Variants in SVEP1 observed in about 807,000 individuals in gnomAD.
SVEP1 encodes the protein sushi, von Willebrand factor type A, EGF and pentraxin domain-containing protein 1.
A neutral mutation model predicts 367.3 loss-of-function variants in SVEP1; 164 were observed. The ratio of observed to expected loss-of-function variants is 0.45; its 90% CI spans 0.39 to 0.51. SVEP1 has a LOEUF of 0.51. Ranked by LOEUF, SVEP1 falls within the 20% of genes least tolerant of loss-of-function variation. SVEP1 has a pLI of 0.00. For missense variants in SVEP1, 4,117 were observed against 4,425.3 expected, an observed-to-expected ratio of 0.93 and a Z score of 1.98; for synonymous variants, 1,666 against 1,611.6, an observed-to-expected ratio of 1.03 and a Z score of -0.81.
intron 1 of SVEP1, among the ~76,000 whole-genome samples, chr9:110,561,590 C>T (rs1048337735): frequency 6.6e-6 from 1 of 152,122 alleles, no homozygotes; most frequent in African/African-American, 2.4e-5. Flanking sequence ...AATGAAAATT[C>T]ATATAAATAT....
chr9:110,383,932 C>G (rs1229681739), intron 43 of SVEP1, among the ~76,000 whole-genome samples: 2 of 148,658 alleles, frequency 1.3e-5, no homozygotes, highest in Non-Finnish European at 3.0e-5. Context: ...CTCCTCTGTC[C>G]AAATTGCCCA....
rs201713679 is a variant in SVEP1 at position 110,471,445 on chromosome 9, T to C, written c.2917A>G (p.Ile973Val). Residue 973 changes from isoleucine to valine, a missense_variant, in exon 16 of 48, where the codon ATA (isoleucine) becomes GTA (valine). Ile to Val is a conservative substitution (Grantham distance 29). Coordinates refer to ENST00000374469, the MANE Select transcript of SVEP1 (RefSeq NM_153366.4). ...YSFQLASEIL[I>V]ADSNSLETKK... Reference sequence around the variant, plus strand: ...GTTTCTAATGAATTGCTGTCGGCTATAAGTATTTCTGATGCAAGCTGAAAG... The same window carrying C: ...GTTTCTAATGAATTGCTGTCGGCTACAAGTATTTCTGATGCAAGCTGAAAG... 1.4e-5 allele frequency: 23 copies of C among 1,613,964 alleles called. No individual in the cohort carries two copies. In the Admixed American group the frequency reaches 1.7e-4, roughly 12 times the overall value.
rs1227161756 is a variant in SVEP1 at position 110,436,412 on chromosome 9, T to C, written c.4732A>G (p.Asn1578Asp). The C allele has an allele frequency of 1.9e-6, 3 of 1,613,858 alleles. No individual in the cohort carries two copies. The highest frequency in any genetic ancestry group is 2.5e-6 in the Non-Finnish European group (3 of 1,179,874). Residue 1578 changes from asparagine (N) to aspartate (D), a missense_variant, in exon 28 of 48, where the codon AAC becomes GAC. Physicochemically the swap from Asn to Asp is conservative, Grantham distance 23. This residue lies in a region of SVEP1 where 2,174 missense variants were observed against 2,494.3 expected (regional missense o/e 0.87). Coordinates refer to ENST00000374469, the MANE Select transcript of SVEP1 (RefSeq NM_153366.4). Reference sequence around the variant, plus strand: ...GGAGACAGGACATAGTCCCAGAGGTTGAGCTGGCTTATGGAGCCCACAAAA... The same window carrying C: ...GGAGACAGGACATAGTCCCAGAGGTCGAGCTGGCTTATGGAGCCCACAAAA... ...ESFVGSISQLNLWDYVLSPQQ... is the reference protein window; with the variant it reads ...ESFVGSISQLDLWDYVLSPQQ...
intron 22 of SVEP1, among the ~76,000 whole-genome samples, chr9:110,452,921 G>A (rs1029093060): frequency 4.2e-4 from 64 of 152,116 alleles, no homozygotes; most frequent in African/African-American, 1.5e-3. Context: ...TACACTTCCA[G>A]ATGAAATGCA....
intron 2 of SVEP1, 84 bp downstream of exon 2, chr9:110,549,765 T>C: frequency 6.6e-7 from 1 of 1,526,510 alleles, no homozygotes; most frequent in South Asian, 1.3e-5. Flanking sequence ...GAGTTTGATA[T>C]TACCCTCCCA....
chr9:110,439,625 CCT>C (rs1361447208), intron 27 of SVEP1, among the ~76,000 whole-genome samples: 1 of 151,936 alleles, frequency 6.6e-6, no homozygotes, highest in African/African-American at 2.4e-5. Flanking sequence ...GTCTTGAACT[CCT>C]GACCCCAGGT....
intron 16 of SVEP1, among the ~76,000 whole-genome samples, chr9:110,470,130 A>T (rs139162649): frequency 8.5e-5 from 13 of 152,252 alleles, no homozygotes; most frequent in Admixed American, 2.6e-4. Context: ...TTCTTTGGGG[A>T]ACAGGCTGGA....
intron 27 of SVEP1, among the ~76,000 whole-genome samples, chr9:110,442,084 C>A (rs562724396): frequency 6.6e-6 from 1 of 152,332 alleles, no homozygotes; most frequent in South Asian, 2.1e-4. Flanking sequence ...TGCCTGATCA[C>A]CCTGGAGAGT....
At chr9:110,487,534 T>G (rs1829299032) in intron 9 of SVEP1, among the ~76,000 whole-genome samples, 1 of 152,224 alleles carries the variant, frequency 6.6e-6, no homozygotes, top group African/African-American at 2.4e-5. Context: ...TTTCATCTAC[T>G]TTTACCAAAA....
intron 41 of SVEP1, among the ~76,000 whole-genome samples, chr9:110,388,930 C>G (rs953873075): frequency 2.6e-5 from 4 of 152,152 alleles, no homozygotes; most frequent in Non-Finnish European, 5.9e-5. Flanking sequence ...GGTTGCACTA[C>G]TGCACTCCAC....
At chr9:110,390,291 T>TG (rs1564127502) in intron 40 of SVEP1, among the ~76,000 whole-genome samples, 2 of 26,488 alleles carry the variant, frequency 7.6e-5, no homozygotes, top group African/African-American at 6.1e-4. Flanking sequence ...ATATACATAC[T>TG]TATATATACT....
intron 36 of SVEP1, among the ~76,000 whole-genome samples, chr9:110,412,914 G>T (rs1298070833): frequency 1.3e-5 from 2 of 151,354 alleles, no homozygotes; most frequent in African/African-American, 4.8e-5. Context: ...AGGATGTGGA[G>T]AAATAGGAAC....
Position 110,579,227 on chromosome 9 carries a change from A to AT in SVEP1, c.316_317insA (p.Val106AspfsTer79). ...GGGGAAGTCGGACAGCAGCTTGCGG[A>AT]CGAACATGAGCTCGCTGCGGAAGTT... On this transcript the variant is annotated frameshift_variant, in exon 1 of 48. Coordinates refer to ENST00000374469, the MANE Select transcript of SVEP1 (RefSeq NM_153366.4). LOFTEE classifies it high-confidence loss of function. The surrounding 1 kb of genome is among the most constrained non-coding windows in gnomAD (Gnocchi z 5.3). 1 of 1,570,452 alleles carries AT rather than the reference A, an allele frequency of 6.4e-7. No homozygotes were observed. The highest frequency in any genetic ancestry group is 8.6e-7 in the Non-Finnish European group (1 of 1,158,718).
chr9:110,579,299 A>T lies in SVEP1; in HGVS notation c.245T>A (p.Leu82Gln). Residue 82 changes from leucine to glutamine, a missense_variant, in exon 1 of 48, where the codon CTG (leucine) becomes CAG (glutamine). Transcript: ENST00000374469. The surrounding 1 kb of genome is among the most constrained non-coding windows in gnomAD (Gnocchi z 5.3). ...ATCATCCACCAGGAAGACAAGCTCCAGGCGCTCGCTGAGCTCCCGCAGCAG... is the reference window on the plus strand; with the variant it reads ...ATCATCCACCAGGAAGACAAGCTCCTGGCGCTCGCTGAGCTCCCGCAGCAG... ...VRLLRELSER[L>Q]ELVFLVDDSS... 1 of 1,568,576 alleles carries T rather than the reference A, an allele frequency of 6.4e-7. No individual in the cohort carries two copies. The highest frequency in any genetic ancestry group is 8.6e-7 in the Non-Finnish European group (1 of 1,158,550).
intron 1 of SVEP1, 73 bp from the exon 2 acceptor site, chr9:110,550,177 G>A (rs1462154601): frequency 1.9e-6 from 3 of 1,568,142 alleles, no homozygotes; most frequent in Non-Finnish European, 2.6e-6. Context: ...TCTTACGTAA[G>A]GCAGTACTTG....
intron 39 of SVEP1, 100 bp from the exon 40 acceptor site, chr9:110,401,109 T>C (rs1827854057): frequency 4.8e-6 from 7 of 1,454,008 alleles, no homozygotes; most frequent in Non-Finnish European, 6.5e-6. Flanking sequence ...ATCTCCAAAA[T>C]GATAGTCAAA....
At chr9:110,552,321 C>T (rs1360412282) in intron 1 of SVEP1, among the ~76,000 whole-genome samples, 5 of 152,086 alleles carry the variant, frequency 3.3e-5, no homozygotes, top group East Asian at 3.9e-4. Flanking sequence ...TGAGCCACCA[C>T]GCCCTGCCAC....
Position 110,430,294 on chromosome 9 carries a change from T to C in SVEP1, c.5510A>G (p.His1837Arg), listed in dbSNP as rs1318808369. 6.2e-7 allele frequency: 1 copy of C among 1,612,920 alleles called. No individual in the cohort carries two copies. Among genetic ancestry groups the C allele is most frequent in the East Asian group, 2.2e-5 (1 of 44,880 alleles). ...CATACCTTTACAATATGGTATTAGA[T>C]GATTCCATTCTCCAGACTCCAAACA... ...ITCLESGEWNHLIPYCKAVSC... is the reference protein window; with the variant it reads ...ITCLESGEWNRLIPYCKAVSC... The change falls in exon 33 of 48, where the codon CAT (histidine) becomes CGT (arginine). Residue 1837 changes from histidine (H) to arginine (R), a missense_variant. His to Arg is a conservative substitution (Grantham distance 29). Coordinates refer to ENST00000374469, the MANE Select transcript of SVEP1 (RefSeq NM_153366.4).
chr9:110,542,972 A>AT (rs1282575673), intron 3 of SVEP1, among the ~76,000 whole-genome samples: 2 of 147,598 alleles, frequency 1.4e-5, no homozygotes, highest in East Asian at 3.9e-4. Flanking sequence ...AATTAAAAAA[A>AT]AATATATATA....
Sources: allele counts gnomAD v4.1 joint callset (sites outside exome capture counted in the v4.1 genomes callset), GRCh38; gene constraint gnomAD v4.1.1; regional missense constraint gnomAD v4.1.1; non-coding constraint Gnocchi (gnomAD v3.1); transcripts MANE v1.5; gene names NCBI Gene and HGNC (gene_info 2026-07-23, HGNC 2026-07-21).